NCOR2: variants seen among roughly 807,000 people sequenced by gnomAD.
NCOR2 encodes the protein nuclear receptor corepressor 2, also known as CTG repeat protein 26.
Under a neutral mutation model 262.9 loss-of-function variants are expected in NCOR2, and 81 were observed. The ratio of observed to expected loss-of-function variants is 0.31; its 90% CI spans 0.26 to 0.37. NCOR2 has a LOEUF of 0.37. NCOR2 is among the 10% of genes least tolerant of loss of function. The probability of loss-of-function intolerance (pLI) is 1.00; values close to 1 mark genes in which losing one functional copy is unlikely to be tolerated. For missense variants in NCOR2, 3,385 were observed against 3,621.4 expected (o/e 0.93, Z 1.68); for synonymous variants, 1,659 against 1,559.3 (o/e 1.06, Z -1.51).
intron 1 of NCOR2, among the ~76,000 whole-genome samples, chr12:124,502,559 GC>G (rs1458331406): frequency 6.6e-6 from 1 of 152,176 alleles, no homozygotes; most frequent in East Asian, 1.9e-4. Context: ...AGGTGCAAAG[GC>G]CCAGAGGCAG....
At chr12:124,528,451 C>G (rs1055529712) in intron 1 of NCOR2, among the ~76,000 whole-genome samples, 7 of 152,228 alleles carry the variant, frequency 4.6e-5, no homozygotes, top group Non-Finnish European at 7.3e-5. Context: ...CCATCCCAGC[C>G]CATTCCTGGG....
chr12:124,543,232 G>A (rs929887693), intron 1 of NCOR2, among the ~76,000 whole-genome samples: 3 of 152,194 alleles, frequency 2.0e-5, no homozygotes, highest in African/African-American at 4.8e-5. Context: ...GAGCAACCCC[G>A]TGCCCTGCCC....
At chr12:124,423,104 G>A (rs1401901527) in intron 11 of NCOR2, among the ~76,000 whole-genome samples, 1 of 152,248 alleles carries the variant, frequency 6.6e-6, no homozygotes, top group Non-Finnish European at 1.5e-5. Context: ...ACTTAAGTCG[G>A]AGGGCGGTGG....
intron 20 of NCOR2, among the ~76,000 whole-genome samples, chr12:124,368,055 C>T (rs566991920): frequency 1.1e-4 from 17 of 152,332 alleles, no homozygotes; most frequent in African/African-American, 3.8e-4. Flanking sequence ...ACCCTGCCTA[C>T]CCAGCCCTGC....
chr12:124,368,874 G>A (rs1260582916), intron 20 of NCOR2, among the ~76,000 whole-genome samples: 4 of 152,366 alleles, frequency 2.6e-5, no homozygotes, highest in African/African-American at 4.8e-5. Context: ...CGCCCCCGGC[G>A]CCTGGCGCAT....
chr12:124,488,684 C>T (rs1210195609), intron 1 of NCOR2, among the ~76,000 whole-genome samples: 2 of 152,240 alleles, frequency 1.3e-5, no homozygotes, highest in African/African-American at 4.8e-5. Flanking sequence ...CAGGCAAAGA[C>T]CTTGCCACAC....
At chr12:124,513,936 G>A (rs2049563770) in intron 1 of NCOR2, 2 of 152,228 alleles carry the variant, frequency 1.3e-5, no homozygotes, top group Non-Finnish European at 2.9e-5. Flanking sequence ...CACCAGAGAG[G>A]CCCCATTTAT....
chr12:124,390,610 C>T (rs11831411), intron 16 of NCOR2, among the ~76,000 whole-genome samples: 2,247 of 152,322 alleles, frequency 0.015, 54 homozygotes, highest in African/African-American at 0.05. Flanking sequence ...GGCATCTCTG[C>T]CACCCGTCTG....
chr12:124,525,742 C>G (rs1367014027), intron 1 of NCOR2, among the ~76,000 whole-genome samples: 1 of 152,200 alleles, frequency 6.6e-6, no homozygotes, highest in Non-Finnish European at 1.5e-5. Context: ...CAGGTGGCAC[C>G]TGCACCATCC....
chr12:124,342,082 G>A lies in NCOR2; in HGVS notation c.4937-8C>T, dbSNP rs745477167. ...GCAGGTAGTAGGCAGCGGCTGCGGG[G>A]CAGAGGGGAGCTCATGTGAGGCCAG... On this transcript the variant is annotated splice_region_variant and splice_polypyrimidine_tract_variant and intron_variant, in intron 33 of 46. Transcript: ENST00000405201. 1.2e-6 allele frequency: 2 copies of A among 1,600,814 alleles called. No homozygotes were observed. Among genetic ancestry groups the A allele is most frequent in the Non-Finnish European group, 1.7e-6 (2 of 1,173,434 alleles).
At chr12:124,385,191 C>A (rs1412257083) in intron 17 of NCOR2, among the ~76,000 whole-genome samples, 1 of 152,176 alleles carries the variant, frequency 6.6e-6, no homozygotes, top group East Asian at 1.9e-4. Context: ...ACCTTCTGTG[C>A]TTGTGGAGGA....
intron 13 of NCOR2, among the ~76,000 whole-genome samples, chr12:124,411,290 A>G (rs1384557894): frequency 6.6e-6 from 1 of 151,680 alleles, no homozygotes; most frequent in Non-Finnish European, 1.5e-5. Context: ...AGAGAGAGAG[A>G]GAGAAACCTA....
At chr12:124,472,831 T>A in intron 4 of NCOR2, 121 bp downstream of exon 6, 1 of 1,360,930 alleles carries the variant, frequency 7.3e-7, no homozygotes, top group Non-Finnish European at 1.0e-6. Flanking sequence ...GTAAAGGGCA[T>A]AAAAACCAGT....
chr12:124,352,651 G>A (rs977128756), intron 27 of NCOR2, among the ~76,000 whole-genome samples: 4 of 152,202 alleles, frequency 2.6e-5, no homozygotes, highest in Non-Finnish European at 1.5e-5. Context: ...TGACAGGCAA[G>A]AGCCACCGTG....
chr12:124,417,778 C>A (rs906111139), intron 13 of NCOR2, among the ~76,000 whole-genome samples: 5 of 152,194 alleles, frequency 3.3e-5, no homozygotes, highest in Admixed American at 2.0e-4. Flanking sequence ...AACACCGTAG[C>A]GGCTGAGCAC....
At chr12:124,359,995 G>A (rs999073069) in intron 22 of NCOR2, among the ~76,000 whole-genome samples, 11 of 152,198 alleles carry the variant, frequency 7.2e-5, no homozygotes, top group East Asian at 1.9e-4. Context: ...GCCAGGAAAC[G>A]GCACAGGCCC....
intron 1 of NCOR2, among the ~76,000 whole-genome samples, chr12:124,563,076 A>T (rs1346569927): frequency 6.6e-6 from 1 of 152,172 alleles, no homozygotes; most frequent in Non-Finnish European, 1.5e-5. Context: ...TTGCCCCTAA[A>T]GGCTCTCCAA....
At position 124,389,847 on chromosome 12, in the gene NCOR2, C is replaced by A. The variant is rs1230633181; in HGVS notation, c.1877-3960G>T. ...GCCCCTTTCGTCCTCCTCCGAGAGC[C>A]CCTGCAGCCGTGAAGGAACACTGTG... On this transcript the variant is annotated intron_variant, in intron 16 of 46. Transcript: ENST00000405201. This position sits in a 1 kb window ranked among gnomAD's most constrained non-coding sequence, Gnocchi z 4.4. 6.6e-6 allele frequency among the ~76,000 whole-genome samples: 1 copy of A among 152,176 alleles called. No homozygotes were observed. Among genetic ancestry groups the A allele is most frequent in the Admixed American group, 6.5e-5 (1 of 15,282 alleles).
chr12:124,426,522 C>A (rs1009465099), intron 11 of NCOR2, 100 bp downstream of exon 13: 2 of 1,218,178 alleles, frequency 1.6e-6, no homozygotes, highest in Non-Finnish European at 1.1e-6. Context: ...TTAAGCACCC[C>A]CCGGCATGCT....
Sources: gnomAD v4.1 joint callset for allele counts (sites outside exome capture counted in the v4.1 genomes callset) on GRCh38, gnomAD v4.1.1 for gene constraint, Gnocchi (gnomAD v3.1) non-coding constraint, MANE v1.5 for transcripts, NCBI Gene and HGNC (gene_info 2026-07-23, HGNC 2026-07-21) for gene names.